The following DOCK10 variants were observed in gnomAD, a reference collection of about 807,000 sequenced individuals.
DOCK10 encodes the protein dedicator of cytokinesis 10.
DOCK10 carries 145 observed loss-of-function variants against 280.1 expected under a neutral mutation model. The observed-to-expected ratio is 0.52, with a 90% CI of 0.45 to 0.59. The LOEUF (loss-of-function observed/expected upper bound fraction) is 0.59, where lower values mean the gene tolerates loss of function less well. Among genes scored for constraint, DOCK10 ranks in the 20% least tolerant of loss-of-function variants. The pLI, the probability that DOCK10 is intolerant of heterozygous loss-of-function variation, is 0.00. For missense variants in DOCK10, 2,368 were observed against 2,651.7 expected (o/e 0.89, Z 2.35); for synonymous variants, 915 against 942.2 (o/e 0.97, Z 0.53).
intron 1 of DOCK10, among the ~76,000 whole-genome samples, chr2:224,971,387 G>A (rs1705071853): frequency 6.6e-6 from 1 of 151,918 alleles, no homozygotes; most frequent in South Asian, 2.1e-4. Flanking sequence ...AGGAGAGGAG[G>A]TGGGTGGAAT....
chr2:224,769,493 C>T (rs539759598), intron 55 of DOCK10, among the ~76,000 whole-genome samples: 25 of 152,322 alleles, frequency 1.6e-4, no homozygotes, highest in Non-Finnish European at 2.5e-4. Context: ...CATCTAACTC[C>T]TGGAGGGGAG....
At chr2:225,035,573 T>TATATATATATATATATATATATG (rs1690229207) in intron 1 of DOCK10, among the ~76,000 whole-genome samples, 1 of 44,134 alleles carries the variant, frequency 2.3e-5, no homozygotes, top group African/African-American at 5.5e-5. Context: ...TATATATATA[T>TATATATATATATATATATATATG]ATATATATAT....
Position 224,808,952 on chromosome 2 carries a change from T to G in DOCK10, c.3410-866A>C, listed in dbSNP as rs138794485. ...GGTAGCAGAAACTGAGTGACAAGAG[T>G]AACTCACTAGGAAAAGTTGACTGAA... On this transcript the variant is annotated intron_variant, in intron 31 of 55. Coordinates refer to ENST00000258390, the MANE Select transcript of DOCK10 (RefSeq NM_014689.3). Among the ~76,000 whole-genome samples the G allele has an allele frequency of 4.6e-3, 703 of 151,860 alleles. 16 individuals carry two copies. Among genetic ancestry groups the G allele is most frequent in the Admixed American group, 0.039 (598 of 15,248 alleles).
chr2:224,830,042 C>T (rs1031093902), intron 27 of DOCK10, among the ~76,000 whole-genome samples: 2 of 152,168 alleles, frequency 1.3e-5, no homozygotes, highest in African/African-American at 4.8e-5. Flanking sequence ...CTGTATCTTG[C>T]AATATGCTCC....
intron 1 of DOCK10, among the ~76,000 whole-genome samples, chr2:224,976,245 G>A (rs964080948): frequency 6.6e-6 from 1 of 151,716 alleles, no homozygotes; most frequent in East Asian, 1.9e-4. Context: ...GGGGTGGGGG[G>A]AAAGGGGAGG....
At chr2:225,035,222 T>C (rs575906068) in intron 1 of DOCK10, among the ~76,000 whole-genome samples, 52 of 152,128 alleles carry the variant, frequency 3.4e-4, no homozygotes, top group Non-Finnish European at 5.9e-4. Flanking sequence ...AAGTGCATAA[T>C]GGAACTCCAA....
In DOCK10 at chr2:224,864,758, C is replaced by G. The variant is rs913786959; in HGVS notation, c.1480-83G>C. ...AAAATTCCATTTTTTTAAAAAAGGACAGCTTTAAGGGAATTTTTATTCAGG... is the reference window on the plus strand; with the variant it reads ...AAAATTCCATTTTTTTAAAAAAGGAGAGCTTTAAGGGAATTTTTATTCAGG... On this transcript the variant is annotated intron_variant, in intron 12 of 55. Transcript: ENST00000258390. The G allele has an allele frequency of 1.3e-5, 20 of 1,576,082 alleles. No homozygotes were observed. In the African/African-American group the frequency reaches 2.3e-4, roughly 18 times the overall value.
chr2:224,771,505 G>C (rs2124956709), intron 53 of DOCK10, among the ~76,000 whole-genome samples: 1 of 152,326 alleles, frequency 6.6e-6, no homozygotes, highest in Middle Eastern at 3.4e-3. Context: ...TATCAGATTT[G>C]CTGAATGAAT....
intron 7 of DOCK10, among the ~76,000 whole-genome samples, chr2:224,878,642 G>T (rs182063116): frequency 6.6e-6 from 1 of 152,334 alleles, no homozygotes; most frequent in Admixed American, 6.5e-5. Context: ...TAAAGTTCAG[G>T]AACCAAAGGA....
intron 1 of DOCK10, among the ~76,000 whole-genome samples, chr2:225,036,509 T>C (rs1037416759): frequency 6.6e-6 from 1 of 152,232 alleles, no homozygotes; most frequent in Non-Finnish European, 1.5e-5. Context: ...TTTAGTGTCC[T>C]AGTGCAAATC....
At chr2:225,016,160 T>C (rs1388053128) in intron 1 of DOCK10, among the ~76,000 whole-genome samples, 2 of 152,206 alleles carry the variant, frequency 1.3e-5, no homozygotes, top group African/African-American at 2.4e-5. Context: ...AGCAGGTTTG[T>C]CACTAGCATT....
chr2:224,830,637 G>A lies in DOCK10; in HGVS notation c.2965-25C>T. The A allele has an allele frequency of 1.4e-6, 2 of 1,433,190 alleles. 1 individual carries two copies. Among genetic ancestry groups the A allele is most frequent in the South Asian group, 3.0e-5 (2 of 67,754 alleles). The allele number at this position is 1,433,190 out of a possible 1,614,324, so 88.8% of individuals were successfully genotyped here. ...GCTGTTGGGAAAAAAAAGGCAACGAGACATTTATTATCCTATGGCAAAATA... is the reference window on the plus strand; with the variant it reads ...GCTGTTGGGAAAAAAAAGGCAACGAAACATTTATTATCCTATGGCAAAATA... On this transcript the variant is annotated intron_variant, in intron 26 of 55. Coordinates refer to ENST00000258390, the MANE Select transcript of DOCK10 (RefSeq NM_014689.3).
intron 1 of DOCK10, 57 bp from the exon 2 acceptor site, chr2:224,931,725 T>C (rs1702391618): frequency 6.6e-7 from 1 of 1,505,548 alleles, no homozygotes; most frequent in Non-Finnish European, 8.9e-7. Flanking sequence ...CCCTTTTCTA[T>C]GCCTGGTTGG....
chr2:224,940,237 GT>G (rs1395807796), intron 1 of DOCK10, among the ~76,000 whole-genome samples: 1 of 152,112 alleles, frequency 6.6e-6, no homozygotes, highest in Non-Finnish European at 1.5e-5. Flanking sequence ...ATTTCCCACT[GT>G]TCTGAGCTTC....
intron 1 of DOCK10, among the ~76,000 whole-genome samples, chr2:224,968,936 A>G (rs1305919587): frequency 6.6e-6 from 1 of 152,186 alleles, no homozygotes; most frequent in Non-Finnish European, 1.5e-5. Flanking sequence ...ACTACCCCCT[A>G]CACTTCAACC....
rs139869255 is a variant in DOCK10 at position 225,011,180 on chromosome 2, C to T, written c.123+31072G>A. Among the ~76,000 whole-genome samples the T allele has an allele frequency of 1.6e-3, 248 of 152,224 alleles. 1 individual carries two copies. The highest frequency in any genetic ancestry group is 5.6e-3 in the African/African-American group (233 of 41,532). On this transcript the variant is annotated intron_variant, in intron 1 of 55. Coordinates refer to ENST00000258390, the MANE Select transcript of DOCK10 (RefSeq NM_014689.3). ...AATGATCAGTTCAAAGAAGATTTCA[C>T]GCCAATGAAGATGATTACAAAAAGG...
chr2:225,018,265 T>C (rs1689671146), intron 1 of DOCK10, among the ~76,000 whole-genome samples: 1 of 151,926 alleles, frequency 6.6e-6, no homozygotes, highest in African/African-American at 2.4e-5. Flanking sequence ...TCCTTTCTAT[T>C]TCTTAACAGT....
At chr2:224,796,206 G>A in intron 44 of DOCK10, 110 bp downstream of exon 44, 1 of 727,540 alleles carries the variant, frequency 1.4e-6, no homozygotes, top group South Asian at 1.7e-5. Flanking sequence ...TGGGAATACA[G>A]GCGTGAACCA....
intron 4 of DOCK10, among the ~76,000 whole-genome samples, chr2:224,892,480 G>A (rs894166616): frequency 6.7e-6 from 1 of 149,514 alleles, no homozygotes; most frequent in Non-Finnish European, 1.5e-5. Context: ...GGAGAAGAGC[G>A]ATGAGTGATC....
Sources: allele counts gnomAD v4.1 joint callset (sites outside exome capture counted in the v4.1 genomes callset), GRCh38; gene constraint gnomAD v4.1.1; transcripts MANE v1.5; gene names NCBI Gene and HGNC (gene_info 2026-07-23, HGNC 2026-07-21).